The following SYN3 variants were observed in gnomAD, a reference collection of about 807,000 sequenced individuals.
SYN3 encodes synapsin-3.
SYN3 carries 35 observed loss-of-function variants against 65.8 expected under a neutral mutation model. The observed-to-expected ratio is 0.53, with a 90% CI of 0.41 to 0.70. The LOEUF (loss-of-function observed/expected upper bound fraction) is 0.70. SYN3 is among the 30% of genes least tolerant of loss of function. The pLI, the probability that SYN3 is intolerant of heterozygous loss-of-function variation, is 0.00. For missense variants in SYN3, 680 were observed against 749.0 expected (o/e 0.91, Z 1.08); for synonymous variants, 270 against 292.9 (o/e 0.92, Z 0.80).
In SYN3 at chr22:32,509,153, T is replaced by C. The variant is rs8139438; in HGVS notation, c.*4539A>G. 0.028 allele frequency among the ~76,000 whole-genome samples: 4,193 copies of C among 152,288 alleles called. 187 individuals are homozygous for C. Among genetic ancestry groups the C allele is most frequent in the African/African-American group, 0.094 (3,894 of 41,530 alleles). On this transcript the variant is annotated 3_prime_UTR_variant, in exon 14 of 14. Transcript: ENST00000358763. The stretch of plus-strand genomic sequence containing the variant: ...ATTTAACCAAAGTACGGTACCATTT[T>C]ATCGCGCTGACGGGAGGAAGATCTG...
chr22:32,949,671 T>C (rs1178266703), intron 3 of SYN3, among the ~76,000 whole-genome samples: 1 of 152,156 alleles, frequency 6.6e-6, no homozygotes, highest in East Asian at 1.9e-4. Flanking sequence ...AAGCAGATAA[T>C]ATTACTGAAA....
chr22:32,929,352 T>C (rs956861058), intron 4 of SYN3, among the ~76,000 whole-genome samples: 11 of 138,652 alleles, frequency 7.9e-5, no homozygotes, highest in Non-Finnish European at 1.8e-4. Context: ...GATATCTCCA[T>C]ACCTGATTTT....
In SYN3 at chr22:32,751,146, G is replaced by A. The variant is rs555186704; in HGVS notation, c.711+113769C>T. On this transcript the variant is annotated intron_variant, in intron 6 of 13. Coordinates refer to ENST00000358763, the MANE Select transcript of SYN3 (RefSeq NM_003490.4). ...TGAAGCTGAAGGGTAACCCAGTGAC[G>A]CCAGGAGGGACGCTGGTGAGTGTGT... Among the ~76,000 whole-genome samples the A allele has an allele frequency of 3.3e-5, 5 of 151,558 alleles. No individual in the cohort carries two copies. The East Asian group carries it at 5.8e-4, about 18-fold the overall frequency.
chr22:32,995,811 C>CGCCA (rs574063009), intron 2 of SYN3, among the ~76,000 whole-genome samples: 94 of 149,754 alleles, frequency 6.3e-4, no homozygotes, highest in African/African-American at 2.1e-3. Flanking sequence ...TACAGGCATG[C>CGCCA]GCCACCACGC....
chr22:32,632,883 C>T (rs2059765283), intron 6 of SYN3, among the ~76,000 whole-genome samples: 1 of 152,246 alleles, frequency 6.6e-6, no homozygotes, highest in Admixed American at 6.5e-5. Context: ...ATGTCTTTGG[C>T]TTCTAATTCC....
At chr22:32,571,327 C>T (rs2058755886) in intron 7 of SYN3, among the ~76,000 whole-genome samples, 1 of 152,194 alleles carries the variant, frequency 6.6e-6, no homozygotes, top group African/African-American at 2.4e-5. Flanking sequence ...AGTGGCTGGC[C>T]CTGGGTTGCT....
chr22:32,587,358 G>C (rs570595666), intron 7 of SYN3, among the ~76,000 whole-genome samples: 35 of 151,996 alleles, frequency 2.3e-4, no homozygotes, highest in South Asian at 1.7e-3. Context: ...GTGGGTGTTG[G>C]GGGGGAGGGT....
chr22:32,766,968 C>T (rs373929999), intron 6 of SYN3, among the ~76,000 whole-genome samples: 11 of 152,168 alleles, frequency 7.2e-5, no homozygotes, highest in Admixed American at 3.9e-4. Context: ...AGACCATTTG[C>T]GACCCCATGG....
rs1329169853 is a variant in SYN3, at chr22:32,729,690, G to A, written c.712-132954C>T. 1.3e-5 allele frequency among the ~76,000 whole-genome samples: 2 copies of A among 152,214 alleles called. 1 individual carries two copies. Among genetic ancestry groups the A allele is most frequent in the Non-Finnish European group, 2.9e-5 (2 of 68,040 alleles). On this transcript the variant is annotated intron_variant, in intron 6 of 13. Coordinates refer to ENST00000358763, the MANE Select transcript of SYN3 (RefSeq NM_003490.4). ...ATCTAATCTATTTTCTTGAGTGGGA[G>A]AGAAAAGGTTGAATTTACAGCATCC... is the stretch of plus-strand genomic sequence containing the variant.
chr22:32,982,940 G>A lies in SYN3; in HGVS notation c.312-2238C>T, dbSNP rs76222397. On this transcript the variant is annotated intron_variant, in intron 2 of 13. Coordinates refer to ENST00000358763, the MANE Select transcript of SYN3 (RefSeq NM_003490.4). ...AGAGAGACTAAATATTTTGCCTAAG[G>A]GATTTGAACCCAGGACTTCTAATTC... 6.3e-3 allele frequency among the ~76,000 whole-genome samples: 958 copies of A among 152,190 alleles called. 12 individuals are homozygous for A. The highest frequency in any genetic ancestry group is 0.022 in the African/African-American group (930 of 41,508).
At chr22:32,968,300 C>A (rs1164738081) in intron 3 of SYN3, among the ~76,000 whole-genome samples, 6 of 152,126 alleles carry the variant, frequency 3.9e-5, no homozygotes, top group Non-Finnish European at 8.8e-5. Flanking sequence ...TGCCTCCTAC[C>A]CAAGCATCAT....
At chr22:32,973,871 C>T (rs549222967) in intron 3 of SYN3, among the ~76,000 whole-genome samples, 1 of 152,262 alleles carries the variant, frequency 6.6e-6, no homozygotes, top group African/African-American at 2.4e-5. Flanking sequence ...CCACTGCAAC[C>T]TCTGCCTCCT....
chr22:32,606,843 A>T (rs9619277), intron 6 of SYN3, among the ~76,000 whole-genome samples: 45,739 of 151,028 alleles, frequency 0.3, 8,257 homozygotes, highest in African/African-American at 0.5. Flanking sequence ...GTATTTATTT[A>T]AAAAATAATT....
intron 3 of SYN3, among the ~76,000 whole-genome samples, chr22:32,948,833 A>C (rs546288168): frequency 6.6e-6 from 1 of 151,366 alleles, no homozygotes; most frequent in Non-Finnish European, 1.5e-5. Context: ...ATTTCCATTA[A>C]GTTTGGAAAC....
chr22:32,667,798 CTTTTTTT>C (rs759464712), intron 6 of SYN3, among the ~76,000 whole-genome samples: 2 of 139,136 alleles, frequency 1.4e-5, no homozygotes, highest in South Asian at 2.3e-4. Flanking sequence ...TTCTTTCTTT[CTTTTTTT>C]TTTTTTTTTT....
chr22:32,776,143 C>A (rs766374434), intron 6 of SYN3, among the ~76,000 whole-genome samples: 13 of 152,104 alleles, frequency 8.5e-5, no homozygotes, highest in Non-Finnish European at 1.9e-4. Flanking sequence ...GTCCACAAGC[C>A]AAGGAACTTG....
chr22:32,687,552 C>T lies in SYN3; in HGVS notation c.712-90816G>A, dbSNP rs2060608068. Reference sequence around the variant, plus strand: ...AGTCTAAGCCCCCATTACCTCTTGCCAGGCCCATTGCAATAGCTTCCTAAC... The same window carrying T: ...AGTCTAAGCCCCCATTACCTCTTGCTAGGCCCATTGCAATAGCTTCCTAAC... On this transcript the variant is annotated intron_variant, in intron 6 of 13. Transcript: ENST00000358763. Among the ~76,000 whole-genome samples the T allele has an allele frequency of 2.0e-5, 3 of 152,290 alleles. No individual in the cohort carries two copies. The South Asian group carries it at 6.2e-4, about 32-fold the overall frequency.
intron 7 of SYN3, among the ~76,000 whole-genome samples, chr22:32,572,357 A>AGCTC (rs2058778103): frequency 3.1e-5 from 1 of 32,570 alleles, no homozygotes; most frequent in Non-Finnish European, 5.3e-5. Flanking sequence ...TCCTTCCCTT[A>AGCTC]CTTCCCTTCC....
chr22:32,604,950 G>A (rs1005627620), intron 6 of SYN3, among the ~76,000 whole-genome samples: 1 of 147,956 alleles, frequency 6.8e-6, no homozygotes, highest in African/African-American at 2.5e-5. Context: ...AGCTTGCAGT[G>A]AGCCGAGATG....
Sources: allele counts gnomAD v4.1 joint callset (sites outside exome capture counted in the v4.1 genomes callset), GRCh38; gene constraint gnomAD v4.1.1; transcripts MANE v1.5; gene names NCBI Gene and HGNC (gene_info 2026-07-23, HGNC 2026-07-21).